DYNC2H1: variants seen among roughly 807,000 people sequenced by gnomAD.
DYNC2H1 encodes the protein cytoplasmic dynein 2 heavy chain 1.
Under a neutral mutation model 570.0 loss-of-function variants are expected in DYNC2H1, and 410 were observed. The ratio of observed to expected loss-of-function variants is 0.72; its 90% CI spans 0.66 to 0.78. DYNC2H1 has a LOEUF of 0.78. DYNC2H1 is among the 30% of genes least tolerant of loss of function. The pLI, the probability that DYNC2H1 is intolerant of heterozygous loss-of-function variation, is 0.00. For missense variants in DYNC2H1, 4,865 were observed against 5,046.4 expected (o/e 0.96, Z 1.09); for synonymous variants, 1,688 against 1,677.6 (o/e 1.01, Z -0.15).
chr11:103,465,114 TAGCAGAAAAGGAGAAAA>T lies in DYNC2H1; in HGVS notation c.12649-3470_12649-3454del, dbSNP rs1340534033. Among the ~76,000 whole-genome samples the T allele has an allele frequency of 2.6e-5, 4 of 151,844 alleles. No homozygotes were observed. The East Asian group carries it at 7.8e-4, about 29-fold the overall frequency. ...AACACTAAAATGGATATACAATCCA[TAGCAGAAAAGGAGAAAA>T]AGCAAAAAAAGGTAAAGAGAAAAAA... On this transcript the variant is annotated intron_variant, in intron 87 of 88. Coordinates refer to ENST00000375735, the MANE Select transcript of DYNC2H1 (RefSeq NM_001377.3). The surrounding 1 kb of genome is among the most constrained non-coding windows in gnomAD (Gnocchi z 4.9).
In DYNC2H1 at chr11:103,224,253, TAA is replaced by T. The variant is rs781089063; in HGVS notation, c.9353+1177_9353+1178del. On this transcript the variant is annotated intron_variant, in intron 59 of 88. Coordinates refer to ENST00000375735, the MANE Select transcript of DYNC2H1 (RefSeq NM_001377.3). ...GCAGACCCAAAGGTTTATGTTCTTT[TAA>T]AAAAAAAAATTTCAATAGGTTTTTG... 1.2e-3 allele frequency among the ~76,000 whole-genome samples: 189 copies of T among 151,942 alleles called. 1 individual carries two copies. Among genetic ancestry groups the T allele is most frequent in the African/African-American group, 4.2e-3 (175 of 41,454 alleles).
intron 84 of DYNC2H1, among the ~76,000 whole-genome samples, chr11:103,400,466 T>G (rs1351378877): frequency 6.6e-6 from 1 of 152,156 alleles, no homozygotes; most frequent in Admixed American, 6.5e-5. Flanking sequence ...GAAGGGGAAA[T>G]CAACACTTCT....
rs1052887862 is a variant in DYNC2H1, at chr11:103,324,180, CTTTTA to C, written c.12039+196_12039+200del. ...TTTTCTGATTTTTTTTCTTTTTAAA[CTTTTA>C]TTTTAGACTCAGGGGAAATGTGCAG... On this transcript the variant is annotated intron_variant, in intron 82 of 88. Transcript: ENST00000375735. The surrounding 1 kb of genome is among the most constrained non-coding windows in gnomAD (Gnocchi z 5.2). Among the ~76,000 whole-genome samples the C allele has an allele frequency of 3.3e-5, 5 of 151,666 alleles. No homozygotes were observed. Among genetic ancestry groups the C allele is most frequent in the African/African-American group, 9.7e-5 (4 of 41,280 alleles).
intron 12 of DYNC2H1, among the ~76,000 whole-genome samples, chr11:103,127,626 TAA>T (rs1859065829): frequency 6.6e-6 from 1 of 152,228 alleles, no homozygotes; most frequent in Non-Finnish European, 1.5e-5. Context: ...ACACAAAAAT[TAA>T]GTTTCCTTAA....
At position 103,186,621 on chromosome 11, in the gene DYNC2H1, T is replaced by A. The variant is rs1862081506; in HGVS notation, c.6893+120T>A. On this transcript the variant is annotated intron_variant, in intron 42 of 88. Transcript: ENST00000375735. This position sits in a 1 kb window ranked among gnomAD's most constrained non-coding sequence, Gnocchi z 4.5. ...TAGCATTTACATTTTCATGGAAGAT[T>A]CATTTTATTTTCATTACTTATAAAA... 6.1e-6 allele frequency: 8 copies of A among 1,310,260 alleles called. No individual in the cohort carries two copies. Among genetic ancestry groups the A allele is most frequent in the African/African-American group, 1.5e-5 (1 of 67,082 alleles). The allele number at this position is 1,310,260 out of a possible 1,614,324, so 81.2% of individuals were successfully genotyped here.
At chr11:103,176,113 A>T in intron 36 of DYNC2H1, 122 bp from the exon 37 acceptor site, 1 of 710,512 alleles carries the variant, frequency 1.4e-6, no homozygotes. Flanking sequence ...AATGTCTTTA[A>T]ATGTTACTAA....
chr11:103,125,010 A>G, intron 11 of DYNC2H1, 90 bp from the exon 12 acceptor site: 1 of 917,364 alleles, frequency 1.1e-6, no homozygotes, highest in East Asian at 2.8e-5. Flanking sequence ...CTAATATTAG[A>G]TGTACAGAAA....
At chr11:103,390,772 G>A (rs1029923788) in intron 83 of DYNC2H1, among the ~76,000 whole-genome samples, 2 of 152,120 alleles carry the variant, frequency 1.3e-5, no homozygotes, top group Admixed American at 1.3e-4. Flanking sequence ...AGTTTGGCTG[G>A]ATATGAAATT....
At chr11:103,375,002 C>T (rs1251359765) in intron 83 of DYNC2H1, among the ~76,000 whole-genome samples, 1 of 152,150 alleles carries the variant, frequency 6.6e-6, no homozygotes, top group Admixed American at 6.5e-5. Flanking sequence ...AGGCCAGGGG[C>T]CTAGGAGAGA....
chr11:103,242,915 T>C (rs1222564709), intron 63 of DYNC2H1, among the ~76,000 whole-genome samples: 1 of 152,098 alleles, frequency 6.6e-6, no homozygotes, highest in East Asian at 1.9e-4. Context: ...GAGACGGGGT[T>C]TCACCATGTT....
At chr11:103,175,780 A>C (rs1020746152) in intron 36 of DYNC2H1, among the ~76,000 whole-genome samples, 1 of 152,270 alleles carries the variant, frequency 6.6e-6, no homozygotes, top group South Asian at 2.1e-4. Flanking sequence ...GTTTATCTGG[A>C]ATTGAATCTT....
In DYNC2H1 at chr11:103,305,777, C is replaced by T. The variant is rs750119945; in HGVS notation, c.11382+1057C>T. Reference sequence around the variant, plus strand: ...AATGAGTTGATGGACCATGGTGATTCGTGATTCATTACTTGTAATCAAGAG... The same window carrying T: ...AATGAGTTGATGGACCATGGTGATTTGTGATTCATTACTTGTAATCAAGAG... On this transcript the variant is annotated intron_variant, in intron 77 of 88. Transcript: ENST00000375735. The surrounding 1 kb of genome is among the most constrained non-coding windows in gnomAD (Gnocchi z 4.3). Among the ~76,000 whole-genome samples the T allele has an allele frequency of 1.2e-4, 18 of 151,980 alleles. No individual in the cohort carries two copies. Among genetic ancestry groups the T allele is most frequent in the Non-Finnish European group, 1.6e-4 (11 of 68,010 alleles).
In DYNC2H1 at chr11:103,299,759, C is replaced by T. The variant is rs1307560828; in HGVS notation, c.11096-3334C>T. 6.6e-6 allele frequency among the ~76,000 whole-genome samples: 1 copy of T among 152,082 alleles called. No individual in the cohort carries two copies. The highest frequency in any genetic ancestry group is 1.5e-5 in the Non-Finnish European group (1 of 67,992). On this transcript the variant is annotated intron_variant, in intron 75 of 88. Coordinates refer to ENST00000375735, the MANE Select transcript of DYNC2H1 (RefSeq NM_001377.3). This position sits in a 1 kb window ranked among gnomAD's most constrained non-coding sequence, Gnocchi z 4.5. ...ACTTTTAGGTTCATGACCTTAGTTA[C>T]ATTTGCAAAGTCCCTTCACAGCAGT...
At chr11:103,459,985 C>T (rs951570587) in intron 87 of DYNC2H1, among the ~76,000 whole-genome samples, 21 of 138,872 alleles carry the variant, frequency 1.5e-4, no homozygotes, top group African/African-American at 5.5e-4. Context: ...AAAAAAAAAG[C>T]TGAAGGACTT....
intron 36 of DYNC2H1, among the ~76,000 whole-genome samples, chr11:103,175,098 G>T (rs73597450): frequency 0.02 from 2,979 of 152,036 alleles, 94 homozygotes; most frequent in African/African-American, 0.067. Flanking sequence ...TAAAAAAATG[G>T]TTTTTTATTC....
At chr11:103,403,181 G>C (rs1368510074) in intron 84 of DYNC2H1, 1 of 151,970 alleles carries the variant, frequency 6.6e-6, no homozygotes, top group African/African-American at 2.4e-5. Context: ...ATAGTATGGT[G>C]GGAAATAAAA....
rs776029594 is a variant in DYNC2H1, at chr11:103,307,804, A to G, written c.11466A>G (p.Leu3822=). The G allele has an allele frequency of 1.0e-5, 16 of 1,600,850 alleles. No individual in the cohort carries two copies. The South Asian group carries it at 1.7e-4, about 17-fold the overall frequency. Residue 3822 remains leucine (L), a synonymous_variant, in exon 78 of 89, where the codon CTA becomes CTG. Transcript: ENST00000375735. ...ATCCCAACTTTACTCCTATTTTACT[A>G]CAGTCAAGTCTGAAGATAACATATG... ...EVHPNFTPIL[L]QSSLKITYES...
At chr11:103,373,005 G>A (rs1225816711) in intron 83 of DYNC2H1, among the ~76,000 whole-genome samples, 1 of 152,084 alleles carries the variant, frequency 6.6e-6, no homozygotes, top group African/African-American at 2.4e-5. Flanking sequence ...GTGCAGTGGT[G>A]TGATCTTGAC....
intron 10 of DYNC2H1, among the ~76,000 whole-genome samples, chr11:103,122,282 T>A (rs1436745949): frequency 6.6e-6 from 1 of 152,208 alleles, no homozygotes; most frequent in Non-Finnish European, 1.5e-5. Context: ...ACATTTCTGC[T>A]TATTCAGGTT....
Sources: gnomAD v4.1 joint callset for allele counts (sites outside exome capture counted in the v4.1 genomes callset) on GRCh38, gnomAD v4.1.1 for gene constraint, Gnocchi (gnomAD v3.1) non-coding constraint, MANE v1.5 for transcripts, NCBI Gene and HGNC (gene_info 2026-07-23, HGNC 2026-07-21) for gene names.